The following PSD3 variants were observed in gnomAD, a reference collection of about 807,000 sequenced individuals.
PSD3 encodes pleckstrin and Sec7 domain containing 3, also known as PH and SEC7 domain-containing protein 3.
A neutral mutation model predicts 105.5 loss-of-function variants in PSD3; 49 were observed. That is an observed-to-expected ratio of 0.46 (90% CI 0.37 to 0.59). PSD3 has a LOEUF of 0.59. PSD3 is among the 20% of genes least tolerant of loss of function. PSD3 has a pLI of 0.00. For missense variants in PSD3, 1,561 were observed against 1,263.8 expected (o/e 1.24, Z -3.57); for synonymous variants, 557 against 457.8 (o/e 1.22, Z -2.77).
intron 13 of PSD3, among the ~76,000 whole-genome samples, chr8:18,572,957 T>C (rs1241485457): frequency 6.6e-6 from 1 of 152,176 alleles, no homozygotes; most frequent in Non-Finnish European, 1.5e-5. Context: ...TACTTTCTGT[T>C]TGATACGAGG....
At chr8:18,758,130 T>C (rs1806210304) in intron 9 of PSD3, among the ~76,000 whole-genome samples, 1 of 152,180 alleles carries the variant, frequency 6.6e-6, no homozygotes, top group African/African-American at 2.4e-5. Context: ...AACTATAGTA[T>C]GATAGCACAA....
chr8:18,689,950 C>T (rs1312170795), intron 9 of PSD3, among the ~76,000 whole-genome samples: 2 of 152,148 alleles, frequency 1.3e-5, no homozygotes, highest in Non-Finnish European at 2.9e-5. Context: ...TATGAAGTGA[C>T]CAAACTGAGA....
At chr8:18,742,007 A>T (rs552085612) in intron 9 of PSD3, among the ~76,000 whole-genome samples, 1 of 152,270 alleles carries the variant, frequency 6.6e-6, no homozygotes, top group South Asian at 2.1e-4. Flanking sequence ...ATGTATAAAA[A>T]CATTACCAGG....
intron 4 of PSD3, among the ~76,000 whole-genome samples, chr8:18,856,713 C>G (rs893330169): frequency 6.6e-6 from 1 of 152,174 alleles, no homozygotes; most frequent in Admixed American, 6.5e-5. Context: ...TAAACCTCCT[C>G]AGAGTCAAGG....
chr8:18,593,848 A>G (rs1163606550), intron 12 of PSD3, among the ~76,000 whole-genome samples: 1 of 151,308 alleles, frequency 6.6e-6, no homozygotes, highest in Non-Finnish European at 1.5e-5. Flanking sequence ...GCTGGAAACC[A>G]TCATTCTCAG....
intron 12 of PSD3, among the ~76,000 whole-genome samples, chr8:18,596,986 C>G (rs1804151706): frequency 6.6e-6 from 1 of 152,066 alleles, no homozygotes; most frequent in East Asian, 1.9e-4. Context: ...CCAGCATGAC[C>G]CTGATATCAA....
intron 1 of PSD3, among the ~76,000 whole-genome samples, chr8:18,966,197 T>G (rs1824232174): frequency 6.6e-6 from 1 of 152,204 alleles, no homozygotes; most frequent in Non-Finnish European, 1.5e-5. Context: ...ATTAAGCAGC[T>G]GTATACCACA....
intron 8 of PSD3, among the ~76,000 whole-genome samples, chr8:18,793,239 T>C (rs762741684): frequency 6.6e-6 from 1 of 151,838 alleles, no homozygotes; most frequent in Non-Finnish European, 1.5e-5. Context: ...AGTTAACAGG[T>C]GCAGCACACC....
At chr8:18,617,445 C>A (rs112058762) in intron 11 of PSD3, among the ~76,000 whole-genome samples, 1 of 152,056 alleles carries the variant, frequency 6.6e-6, no homozygotes, top group Non-Finnish European at 1.5e-5. Flanking sequence ...GAAGGTGAAT[C>A]GCTTGAACTT....
At chr8:18,983,856 C>T (rs764565656) in intron 1 of PSD3, among the ~76,000 whole-genome samples, 8 of 151,520 alleles carry the variant, frequency 5.3e-5, no homozygotes, top group South Asian at 2.1e-4. Flanking sequence ...ATGTTTTAAC[C>T]GGCTGGATAT....
chr8:18,789,572 T>C (rs1052354825), intron 8 of PSD3, among the ~76,000 whole-genome samples: 3 of 152,176 alleles, frequency 2.0e-5, no homozygotes, highest in African/African-American at 7.2e-5. Flanking sequence ...TATAAAGCTA[T>C]CCTGGGACCA....
At chr8:18,634,817 T>C (rs1807144179) in intron 10 of PSD3, among the ~76,000 whole-genome samples, 1 of 152,170 alleles carries the variant, frequency 6.6e-6, no homozygotes, top group African/African-American at 2.4e-5. Flanking sequence ...CTTGTTAGAA[T>C]TAACCATGAT....
chr8:18,630,388 G>T (rs1422108395), intron 11 of PSD3, among the ~76,000 whole-genome samples: 1 of 151,922 alleles, frequency 6.6e-6, no homozygotes, highest in African/African-American at 2.4e-5. Flanking sequence ...TGAGGGAGAA[G>T]AGCTTCTACC....
At chr8:19,064,429 C>T (rs1420163343) in intron 1 of PSD3, among the ~76,000 whole-genome samples, 4 of 151,878 alleles carry the variant, frequency 2.6e-5, no homozygotes, top group South Asian at 4.2e-4. Flanking sequence ...GGGGTAAATG[C>T]GATATTTTGA....
At chr8:18,741,843 A>C (rs1383864192) in intron 9 of PSD3, among the ~76,000 whole-genome samples, 1 of 151,942 alleles carries the variant, frequency 6.6e-6, no homozygotes, top group Non-Finnish European at 1.5e-5. Flanking sequence ...GGTTACCAAC[A>C]AATGAAATAG....
chr8:18,915,673 A>G (rs548911796), intron 2 of PSD3, among the ~76,000 whole-genome samples: 1 of 152,340 alleles, frequency 6.6e-6, no homozygotes, highest in African/African-American at 2.4e-5. Flanking sequence ...GAAAACCACG[A>G]TAAGGTATCA....
At chr8:19,074,781 G>A (rs944714931) in intron 1 of PSD3, among the ~76,000 whole-genome samples, 15 of 150,162 alleles carry the variant, frequency 1.0e-4, no homozygotes, top group South Asian at 4.2e-4. Flanking sequence ...CCACCACACC[G>A]GGCTAATTTT....
intron 1 of PSD3, among the ~76,000 whole-genome samples, chr8:18,998,995 C>T (rs1378137482): frequency 6.6e-6 from 1 of 151,928 alleles, no homozygotes; most frequent in African/African-American, 2.4e-5. Flanking sequence ...CTAAAATTAT[C>T]TTCCAGGTGA....
At chr8:18,707,916 A>T (rs1391969145) in intron 9 of PSD3, among the ~76,000 whole-genome samples, 1 of 152,230 alleles carries the variant, frequency 6.6e-6, no homozygotes, top group Non-Finnish European at 1.5e-5. Context: ...GTAGGACATC[A>T]AAGTTTGGGG....
Sources: gnomAD v4.1 joint callset for allele counts (sites outside exome capture counted in the v4.1 genomes callset) on GRCh38, gnomAD v4.1.1 for gene constraint, MANE v1.5 for transcripts, NCBI Gene and HGNC (gene_info 2026-07-23, HGNC 2026-07-21) for gene names.